The following COG6 variants were observed in gnomAD, a reference collection of about 807,000 sequenced individuals.
The protein encoded by COG6 is component of oligomeric golgi complex 6.
COG6 carries 74 observed loss-of-function variants against 88.8 expected under a neutral mutation model. That is an observed-to-expected ratio of 0.83 (90% CI 0.69 to 1.01). The LOEUF (loss-of-function observed/expected upper bound fraction) is 1.01, where lower values mean the gene tolerates loss of function less well. Among genes scored for constraint, COG6 ranks in the 50% least tolerant of loss-of-function variants. The probability of loss-of-function intolerance (pLI) is 0.00; values close to 1 mark genes in which losing one functional copy is unlikely to be tolerated. For synonymous variants in COG6, 286 were observed against 278.7 expected, an observed-to-expected ratio of 1.03 and a Z score of -0.26; for missense variants, 800 against 797.9, an observed-to-expected ratio of 1.00 and a Z score of -0.03.
intron 8 of COG6, 200 bp downstream of exon 8, chr13:39,682,464 G>T (rs45454396): frequency 0.011 from 5,356 of 495,618 alleles, 49 homozygotes; most frequent in Middle Eastern, 0.021. Flanking sequence ...AATACAATAT[G>T]GAAAGAGAAA....
At chr13:39,763,266 C>A (rs755611635) in intron 18 of COG6, among the ~76,000 whole-genome samples, 8 of 151,684 alleles carry the variant, frequency 5.3e-5, no homozygotes, top group Non-Finnish European at 1.2e-4. Flanking sequence ...TTTGTATTTT[C>A]TAAATTGGCA....
chr13:39,681,398 T>G (rs932169075), intron 7 of COG6, among the ~76,000 whole-genome samples: 2 of 152,212 alleles, frequency 1.3e-5, no homozygotes, highest in African/African-American at 2.4e-5. Flanking sequence ...GTTTTCTACT[T>G]CCTCAAAGGC....
chr13:39,659,302 T>C (rs1441986178), intron 1 of COG6, 62 bp from the exon 2 acceptor site: 1 of 1,465,004 alleles, frequency 6.8e-7, no homozygotes, highest in Non-Finnish European at 9.5e-7. Context: ...ACATTTTGTC[T>C]TGAGATTTGA....
chr13:39,692,868 A>G (rs1247662738), intron 11 of COG6, among the ~76,000 whole-genome samples: 3 of 151,974 alleles, frequency 2.0e-5, no homozygotes, highest in Non-Finnish European at 4.4e-5. Flanking sequence ...CATACTTTAT[A>G]TCTGAGCCAT....
At chr13:39,670,681 G>T (rs764462629) in intron 4 of COG6, among the ~76,000 whole-genome samples, 34 of 151,978 alleles carry the variant, frequency 2.2e-4, no homozygotes, top group African/African-American at 8.0e-4. Context: ...ATTAGACAAA[G>T]AAATCTATGT....
chr13:39,731,365 G>C (rs568837715), intron 18 of COG6, among the ~76,000 whole-genome samples: 2 of 152,242 alleles, frequency 1.3e-5, no homozygotes, highest in South Asian at 4.1e-4. Context: ...ATAGGAAATA[G>C]GGAAAAGAAT....
At chr13:39,741,382 A>G (rs1880034415) in intron 18 of COG6, among the ~76,000 whole-genome samples, 1 of 152,166 alleles carries the variant, frequency 6.6e-6, no homozygotes, top group African/African-American at 2.4e-5. Flanking sequence ...TGAATGTCTA[A>G]CTAGAATTAA....
intron 14 of COG6, 120 bp downstream of exon 14, chr13:39,719,487 A>G (rs1878729134): frequency 8.3e-7 from 1 of 1,198,462 alleles, no homozygotes; most frequent in Non-Finnish European, 1.2e-6. Flanking sequence ...TTAATTTTCC[A>G]TCAAATATTA....
chr13:39,658,372 G>A (rs1874666845), intron 1 of COG6, among the ~76,000 whole-genome samples: 1 of 151,738 alleles, frequency 6.6e-6, no homozygotes, highest in African/African-American at 2.4e-5. Flanking sequence ...TCTTGAACTG[G>A]CATCAAACTA....
chr13:39,713,601 TG>T (rs1878362106), intron 13 of COG6, among the ~76,000 whole-genome samples: 1 of 152,040 alleles, frequency 6.6e-6, no homozygotes. Flanking sequence ...CCGGGCATGG[TG>T]GCAGGCGCCT....
At chr13:39,770,154 A>G (rs942435812) in intron 18 of COG6, among the ~76,000 whole-genome samples, 1 of 152,182 alleles carries the variant, frequency 6.6e-6, no homozygotes, top group African/African-American at 2.4e-5. Context: ...GCAGTTTGGT[A>G]ATTTATCTAA....
intron 18 of COG6, among the ~76,000 whole-genome samples, chr13:39,735,706 C>CTTT (rs747873961): frequency 9.3e-6 from 1 of 108,066 alleles, no homozygotes; most frequent in African/African-American, 3.4e-5. Flanking sequence ...TGATGAAGTC[C>CTTT]TTTTTTTTTT....
chr13:39,772,003 A>G (rs1881330839), intron 18 of COG6, among the ~76,000 whole-genome samples: 1 of 152,166 alleles, frequency 6.6e-6, no homozygotes, highest in Non-Finnish European at 1.5e-5. Context: ...ACTTCCTCCC[A>G]AATTAAGTAC....
At chr13:39,668,642 G>T (rs1408414076) in intron 4 of COG6, among the ~76,000 whole-genome samples, 2 of 151,968 alleles carry the variant, frequency 1.3e-5, no homozygotes, top group Non-Finnish European at 1.5e-5. Context: ...CAAAAAATTA[G>T]CCGGGCGTGG....
At chr13:39,661,124 A>G (rs1456042970) in intron 3 of COG6, among the ~76,000 whole-genome samples, 1 of 152,186 alleles carries the variant, frequency 6.6e-6, no homozygotes, top group Non-Finnish European at 1.5e-5. Context: ...AACTACGTAG[A>G]ATTTTGATAA....
At position 39,659,445 on chromosome 13, in the gene COG6, A is replaced by G. The variant is rs1293492232; in HGVS notation, c.235A>G (p.Ile79Val). The G allele has an allele frequency of 1.2e-6, 2 of 1,613,354 alleles. No homozygotes were observed. The highest frequency in any genetic ancestry group is 4.5e-5 in the East Asian group (2 of 44,768). The change falls in exon 2 of 19, where the codon ATT becomes GTT. Residue 79 changes from isoleucine to valine, a missense_variant. Transcript: ENST00000455146. The stretch of plus-strand genomic sequence containing the variant: ...GACTCGAAGAAATTTACGTGGAGAT[A>G]TTGAACGTAAAAGTTTAGCCATCAA... Reference protein sequence around the residue: ...LRTRRNLRGDIERKSLAINEE... With the variant: ...LRTRRNLRGDVERKSLAINEE...
rs765028875 is a variant in COG6, at chr13:39,687,800, G to A, written c.1009+1G>A. On this transcript the variant is annotated splice_donor_variant, in intron 10 of 18. Coordinates refer to ENST00000455146, the MANE Select transcript of COG6 (RefSeq NM_020751.3). LOFTEE classifies it high-confidence loss of function. ...CTCTTAAAGCATGTAACTACACAAG[G>A]TGGGTCCACCAATTGTATTGCTAAT... 6.2e-7 allele frequency: 1 copy of A among 1,606,518 alleles called. No homozygotes were observed. Among genetic ancestry groups the A allele is most frequent in the East Asian group, 2.2e-5 (1 of 44,836 alleles).
intron 18 of COG6, among the ~76,000 whole-genome samples, chr13:39,745,326 G>A (rs1034731154): frequency 6.6e-6 from 1 of 152,000 alleles, no homozygotes; most frequent in Admixed American, 6.6e-5. Flanking sequence ...GGGAAAAAAT[G>A]TTTGCAATCT....
intron 18 of COG6, among the ~76,000 whole-genome samples, chr13:39,762,103 T>C (rs776757477): frequency 2.6e-5 from 4 of 152,064 alleles, no homozygotes; most frequent in Admixed American, 2.6e-4. Flanking sequence ...AGCCAAGATA[T>C]GGAATCAACT....
Sources: gnomAD v4.1 joint callset for allele counts (sites outside exome capture counted in the v4.1 genomes callset) on GRCh38, gnomAD v4.1.1 for gene constraint, MANE v1.5 for transcripts, NCBI Gene and HGNC (gene_info 2026-07-23, HGNC 2026-07-21) for gene names.